Variants in HORMAD2 observed in about 807,000 individuals in gnomAD.
The protein encoded by HORMAD2 is HORMA domain containing 2, also known as HORMA domain-containing protein 2.
HORMAD2 carries 45 observed loss-of-function variants against 38.8 expected under a neutral mutation model. The ratio of observed to expected loss-of-function variants is 1.16; its 90% CI spans 0.91 to 1.49. HORMAD2 has a LOEUF of 1.49. HORMAD2 is among the 40% of genes most tolerant of loss of function. The pLI, the probability that HORMAD2 is intolerant of heterozygous loss-of-function variation, is 0.00. For synonymous variants in HORMAD2, 126 were observed against 122.8 expected, an observed-to-expected ratio of 1.03 and a Z score of -0.17; for missense variants, 338 against 367.0, an observed-to-expected ratio of 0.92 and a Z score of 0.65.
intron 10 of HORMAD2, chr22:30,137,356 G>C (rs1923735425): frequency 2.0e-6 from 1 of 494,344 alleles, no homozygotes; most frequent in Non-Finnish European, 4.0e-6. Flanking sequence ...GAACATAGCA[G>C]GTGCTTTCAC....
At chr22:30,080,377 G>A (rs1276930952), upstream of HORMAD2, 2 of 152,256 alleles carry the variant, frequency 1.3e-5, no homozygotes, top group African/African-American at 2.4e-5. Flanking sequence ...TTATTCATGA[G>A]GAAACCTCTG....
At chr22:30,148,865 C>A (rs141410129) in intron 10 of HORMAD2, among the ~76,000 whole-genome samples, 2 of 151,976 alleles carry the variant, frequency 1.3e-5, no homozygotes, top group Non-Finnish European at 2.9e-5. Flanking sequence ...GTTAGCCGGG[C>A]GTGGTGACGG....
intron 1 of HORMAD2, among the ~76,000 whole-genome samples, chr22:30,090,754 A>G (rs1476256706): frequency 1.3e-5 from 2 of 152,232 alleles, no homozygotes; most frequent in Non-Finnish European, 2.9e-5. Flanking sequence ...GACACACAGT[A>G]ATTGTACATA....
intron 7 of HORMAD2, 34 bp from the exon 8 acceptor site, chr22:30,118,946 T>G (rs1303125321): frequency 3.5e-6 from 5 of 1,437,156 alleles, no homozygotes; most frequent in Non-Finnish European, 4.8e-6. Context: ...TTTTCTAAAT[T>G]CTTTTTTTTC....
intron 1 of HORMAD2, among the ~76,000 whole-genome samples, chr22:30,091,561 G>A (rs1009839885): frequency 1.3e-5 from 2 of 151,674 alleles, no homozygotes; most frequent in African/African-American, 2.4e-5. Context: ...CTGCCACCCC[G>A]GCCTATATTT....
intron 7 of HORMAD2, among the ~76,000 whole-genome samples, chr22:30,117,649 C>G (rs1922142572): frequency 6.6e-6 from 1 of 152,076 alleles, no homozygotes; most frequent in African/African-American, 2.4e-5. Context: ...GCTGGGATTA[C>G]AGGCGCACAC....
chr22:30,106,858 T>C (rs1921239624), intron 5 of HORMAD2, among the ~76,000 whole-genome samples: 1 of 152,222 alleles, frequency 6.6e-6, no homozygotes, highest in African/African-American at 2.4e-5. Flanking sequence ...TCTCAAACTT[T>C]AGCTTGCATC....
intron 10 of HORMAD2, among the ~76,000 whole-genome samples, chr22:30,172,130 G>T (rs1441338087): frequency 1.3e-5 from 2 of 152,130 alleles, no homozygotes; most frequent in African/African-American, 4.8e-5. Flanking sequence ...CCCTGAAAAT[G>T]TAAAGAACTA....
intron 10 of HORMAD2, among the ~76,000 whole-genome samples, chr22:30,144,529 C>T (rs1398132347): frequency 6.6e-6 from 1 of 152,204 alleles, no homozygotes; most frequent in African/African-American, 2.4e-5. Context: ...TGCTTCTCCC[C>T]TTGGAAAAAT....
chr22:30,081,435 C>A (rs967096681), intron 1 of HORMAD2, among the ~76,000 whole-genome samples: 3 of 152,136 alleles, frequency 2.0e-5, no homozygotes, highest in East Asian at 3.8e-4. Context: ...TCTGAATGAG[C>A]ACAGGTAGGG....
intron 10 of HORMAD2, among the ~76,000 whole-genome samples, chr22:30,131,900 A>G (rs1047864390): frequency 6.6e-6 from 1 of 152,210 alleles, no homozygotes; most frequent in African/African-American, 2.4e-5. Flanking sequence ...TTTTGTGCCA[A>G]CACACTTAAT....
At chr22:30,151,674 A>G (rs951465306) in intron 10 of HORMAD2, among the ~76,000 whole-genome samples, 1 of 152,174 alleles carries the variant, frequency 6.6e-6, no homozygotes, top group Non-Finnish European at 1.5e-5. Context: ...ATCTGAAAAT[A>G]TTTGCATGTT....
intron 10 of HORMAD2, among the ~76,000 whole-genome samples, chr22:30,140,472 T>C (rs1490218469): frequency 1.3e-4 from 20 of 152,226 alleles, no homozygotes; most frequent in Non-Finnish European, 1.5e-5. Flanking sequence ...TCACTTGTTA[T>C]AGATATATTC....
At chr22:30,204,878 C>G in the HORMAD2 span, among the ~76,000 whole-genome samples, 1 of 152,210 alleles carries the variant, frequency 6.6e-6, no homozygotes, top group Non-Finnish European at 1.5e-5. Context: ...GGGAGAGCAG[C>G]TGCCAAGCCA....
chr22:30,109,518 T>C (rs1921468148), intron 5 of HORMAD2, among the ~76,000 whole-genome samples: 1 of 151,664 alleles, frequency 6.6e-6, no homozygotes, highest in South Asian at 2.1e-4. Flanking sequence ...CATCTTACCA[T>C]GTTTCCCAGG....
chr22:30,180,207 C>G (rs995978131), downstream of HORMAD2, among the ~76,000 whole-genome samples: 1 of 152,072 alleles, frequency 6.6e-6, no homozygotes, highest in African/African-American at 2.4e-5. Flanking sequence ...ACATTTTAGT[C>G]TGGACTTACC....
intron 7 of HORMAD2, among the ~76,000 whole-genome samples, chr22:30,113,439 G>A (rs1273709059): frequency 2.0e-5 from 3 of 151,568 alleles, no homozygotes; most frequent in Non-Finnish European, 4.4e-5. Flanking sequence ...GGGTTTCACC[G>A]TGTTGGCCAG....
At chr22:30,190,793 C>T in the HORMAD2 span, among the ~76,000 whole-genome samples, 1 of 152,128 alleles carries the variant, frequency 6.6e-6, no homozygotes, top group East Asian at 1.9e-4. Flanking sequence ...TCTGGATGGA[C>T]ACATTTAAAG....
the HORMAD2 span, among the ~76,000 whole-genome samples, chr22:30,183,074 T>C: frequency 9.2e-5 from 14 of 152,192 alleles, no homozygotes; most frequent in Admixed American, 3.3e-4. Context: ...AACAAATGGC[T>C]CATATACTGT....
Sources: gnomAD v4.1 joint callset for allele counts (sites outside exome capture counted in the v4.1 genomes callset) on GRCh38, gnomAD v4.1.1 for gene constraint, MANE v1.5 for transcripts, NCBI Gene and HGNC (gene_info 2026-07-23, HGNC 2026-07-21) for gene names.